The following DAPK1 variants were observed in gnomAD, a reference collection of about 807,000 sequenced individuals.
DAPK1 encodes death associated protein kinase 1, also known as death-associated protein kinase 1.
In DAPK1, 56 loss-of-function variants were observed where a neutral mutation model predicts 144.9. The ratio of observed to expected loss-of-function variants is 0.39; its 90% CI spans 0.31 to 0.48. The LOEUF is 0.48. Ranked by LOEUF, DAPK1 falls within the 20% of genes least tolerant of loss-of-function variation. DAPK1 has a pLI of 0.95. For synonymous variants in DAPK1, 690 were observed against 749.0 expected (o/e 0.92, Z 1.29); for missense variants, 1,454 against 1,875.4 (o/e 0.78, Z 4.15).
intron 2 of DAPK1, among the ~76,000 whole-genome samples, chr9:87,576,899 G>A (rs1827583193): frequency 6.6e-6 from 1 of 152,152 alleles, no homozygotes; most frequent in Admixed American, 6.5e-5. Flanking sequence ...AGAAATGGCA[G>A]TGCCCTCCTT....
intron 21 of DAPK1, among the ~76,000 whole-genome samples, chr9:87,692,352 A>G (rs1825088883): frequency 6.6e-6 from 1 of 151,756 alleles, no homozygotes; most frequent in Admixed American, 6.6e-5. Context: ...TTTACTTTCA[A>G]TCTATATGTA....
intron 19 of DAPK1, 44 bp downstream of exon 19, chr9:87,668,718 A>G: frequency 1.1e-6 from 1 of 907,374 alleles, no homozygotes; most frequent in East Asian, 2.4e-5. Context: ...ACCTGTGTTT[A>G]TGTGAAAAAG....
chr9:87,523,706 G>T (rs1243075852), intron 2 of DAPK1, among the ~76,000 whole-genome samples: 3 of 152,142 alleles, frequency 2.0e-5, no homozygotes, highest in African/African-American at 7.2e-5. Context: ...ATTTTCGTGT[G>T]AAGTGTGAAG....
intron 2 of DAPK1, among the ~76,000 whole-genome samples, chr9:87,523,072 T>C (rs1332867066): frequency 1.3e-5 from 2 of 152,232 alleles, no homozygotes; most frequent in Non-Finnish European, 2.9e-5. Flanking sequence ...CCCCATGATT[T>C]TTTTTTGTGT....
intron 2 of DAPK1, chr9:87,525,579 C>T (rs951790289): frequency 4.7e-5 from 39 of 836,318 alleles, no homozygotes; most frequent in Middle Eastern, 7.0e-4. Flanking sequence ...ACAAAAAATG[C>T]GTTGAATAAA....
Position 87,499,082 on chromosome 9 carries a change from C to A in DAPK1, c.5C>A (p.Thr2Asn), listed in dbSNP as rs1264912718. 6.2e-7 allele frequency: 1 copy of A among 1,613,944 alleles called. No homozygotes were observed. Among genetic ancestry groups the A allele is most frequent in the East Asian group, 2.2e-5 (1 of 44,870 alleles). The change falls in exon 2 of 26, where the codon ACC (threonine) becomes AAC (asparagine). Residue 2 changes from threonine to asparagine, a missense_variant. This residue lies in a region of DAPK1 where 429 missense variants were observed against 637.5 expected (regional missense o/e 0.67). Coordinates refer to ENST00000408954, the MANE Select transcript of DAPK1 (RefSeq NM_004938.4). M[T>N]VFRQENVDDY... ...GGTGAGGCGTGACAGTTTATCATGA[C>A]CGTGTTCAGGCAGGAAAACGTGGAT...
rs1000574045 is a variant in DAPK1 at position 87,633,359 on chromosome 9, A to G, written c.285-4584A>G. On this transcript the variant is annotated intron_variant, in intron 3 of 25. Coordinates refer to ENST00000408954, the MANE Select transcript of DAPK1 (RefSeq NM_004938.4). ...AGATGAGTATATGTGCGTATGGGTG[A>G]GGGGGGATGGAGTGAATACATAGGG... The G allele has an allele frequency of 2.1e-5, 21 of 984,994 alleles. No homozygotes were observed. The African/African-American group carries it at 3.5e-4, about 16-fold the overall frequency. 61.0% of individuals were successfully genotyped at this position (984,994 alleles called of 1,614,324 possible).
intron 18 of DAPK1, among the ~76,000 whole-genome samples, chr9:87,660,591 A>G (rs1407369497): frequency 6.6e-6 from 1 of 152,040 alleles, no homozygotes; most frequent in Non-Finnish European, 1.5e-5. Flanking sequence ...GGAGCAAAGC[A>G]CATTGTACCC....
chr9:87,639,851 C>T, intron 7 of DAPK1, 36 bp downstream of exon 7: 2 of 1,606,724 alleles, frequency 1.2e-6, no homozygotes, highest in Non-Finnish European at 1.7e-6. Context: ...ACTCTCTTCT[C>T]TTCTATGAGA....
intron 25 of DAPK1, among the ~76,000 whole-genome samples, chr9:87,705,246 T>TAA: frequency 6.8e-6 from 1 of 147,616 alleles, no homozygotes; most frequent in East Asian, 2.0e-4. Context: ...ATTAATTTTT[T>TAA]TTTTTTTTTT....
At chr9:87,703,672 T>TA (rs1279135735) in intron 25 of DAPK1, among the ~76,000 whole-genome samples, 1 of 152,134 alleles carries the variant, frequency 6.6e-6, no homozygotes, top group Non-Finnish European at 1.5e-5. Context: ...TGTCTGGAGA[T>TA]ACAAAGACAG....
intron 18 of DAPK1, among the ~76,000 whole-genome samples, chr9:87,659,957 A>G (rs1367190190): frequency 6.6e-6 from 1 of 152,150 alleles, no homozygotes. Flanking sequence ...CATAGCCGTC[A>G]ATTACAGTCA....
intron 2 of DAPK1, among the ~76,000 whole-genome samples, chr9:87,522,072 A>G (rs1825319498): frequency 6.6e-6 from 1 of 152,206 alleles, no homozygotes; most frequent in African/African-American, 2.4e-5. Flanking sequence ...CCATGCTCTT[A>G]GACTTCCCAG....
At chr9:87,537,914 C>G (rs1343156171) in intron 2 of DAPK1, among the ~76,000 whole-genome samples, 2 of 152,066 alleles carry the variant, frequency 1.3e-5, no homozygotes, top group Non-Finnish European at 2.9e-5. Flanking sequence ...TCACAATGTG[C>G]TCTCATTTAC....
At chr9:87,500,506 T>A (rs1209476707) in intron 2 of DAPK1, among the ~76,000 whole-genome samples, 1 of 152,210 alleles carries the variant, frequency 6.6e-6, no homozygotes, top group East Asian at 1.9e-4. Flanking sequence ...AAAAAATAAA[T>A]TTTAATTTGA....
At chr9:87,560,001 T>G (rs1170208349) in intron 2 of DAPK1, among the ~76,000 whole-genome samples, 1 of 120,460 alleles carries the variant, frequency 8.3e-6, no homozygotes, top group Non-Finnish European at 1.7e-5. Context: ...TTCTTTCCTT[T>G]TTTCTTTTTT....
intron 2 of DAPK1, among the ~76,000 whole-genome samples, chr9:87,562,890 G>C (rs1217125199): frequency 6.6e-6 from 1 of 152,186 alleles, no homozygotes; most frequent in African/African-American, 2.4e-5. Context: ...ATTTAAAGAG[G>C]ATTCTTCCCA....
intron 2 of DAPK1, among the ~76,000 whole-genome samples, chr9:87,513,474 T>A (rs1020390343): frequency 2.0e-5 from 3 of 152,182 alleles, no homozygotes; most frequent in African/African-American, 7.2e-5. Flanking sequence ...TGTGGGTATG[T>A]ATGTATGTCT....
At chr9:87,538,093 G>A (rs766770421) in intron 2 of DAPK1, among the ~76,000 whole-genome samples, 11 of 152,132 alleles carry the variant, frequency 7.2e-5, no homozygotes, top group Non-Finnish European at 1.5e-4. Context: ...CAATCTCAAT[G>A]TCATTGTTTA....
Sources: allele counts gnomAD v4.1 joint callset (sites outside exome capture counted in the v4.1 genomes callset), GRCh38; gene constraint gnomAD v4.1.1; regional missense constraint gnomAD v4.1.1; transcripts MANE v1.5; gene names NCBI Gene and HGNC (gene_info 2026-07-23, HGNC 2026-07-21).